Variants in PHACTR1 observed in about 807,000 individuals in gnomAD.
The protein encoded by PHACTR1 is phosphatase and actin regulator 1.
Under a neutral mutation model 69.2 loss-of-function variants are expected in PHACTR1, and 16 were observed. The ratio of observed to expected loss-of-function variants is 0.23; its 90% confidence interval spans 0.16 to 0.35. The LOEUF (loss-of-function observed/expected upper bound fraction) is 0.35, where lower values mean the gene tolerates loss of function less well. PHACTR1 is among the 10% of genes least tolerant of loss of function. The probability of loss-of-function intolerance (pLI) is 1.00; values close to 1 mark genes in which losing one functional copy is unlikely to be tolerated. For missense variants in PHACTR1, 510 were observed against 734.7 expected, an observed-to-expected ratio of 0.69 and a Z score of 3.54; for synonymous variants, 312 against 284.5, an observed-to-expected ratio of 1.10 and a Z score of -0.97.
chr6:13,237,748 A>T (rs1296472126), intron 10 of PHACTR1, among the ~76,000 whole-genome samples: 1 of 152,202 alleles, frequency 6.6e-6, no homozygotes, highest in Non-Finnish European at 1.5e-5. Context: ...AAGTGTACTC[A>T]CACAAACCAA....
intron 4 of PHACTR1, among the ~76,000 whole-genome samples, chr6:12,836,222 T>A (rs994046313): frequency 7.2e-5 from 11 of 152,182 alleles, no homozygotes; most frequent in Admixed American, 6.6e-4. Context: ...ATCAGCCTGG[T>A]ACTGAGTTTC....
At chr6:13,233,943 G>T (rs945605105) in intron 10 of PHACTR1, among the ~76,000 whole-genome samples, 1 of 152,228 alleles carries the variant, frequency 6.6e-6, no homozygotes, top group Non-Finnish European at 1.5e-5. Flanking sequence ...TGCAGGGACT[G>T]TACCTAAAGG....
At chr6:13,137,916 T>G (rs1309059272) in intron 5 of PHACTR1, among the ~76,000 whole-genome samples, 1 of 152,212 alleles carries the variant, frequency 6.6e-6, no homozygotes, top group Admixed American at 6.5e-5. Context: ...CACCCTCTTG[T>G]GTCCTGAGCA....
At chr6:13,197,104 C>A (rs949212207) in intron 7 of PHACTR1, among the ~76,000 whole-genome samples, 1 of 152,216 alleles carries the variant, frequency 6.6e-6, no homozygotes, top group Admixed American at 6.5e-5. Context: ...CTGTCTGACC[C>A]TCCAAACAAC....
intron 4 of PHACTR1, among the ~76,000 whole-genome samples, chr6:12,762,940 G>A (rs941143578): frequency 1.3e-5 from 2 of 152,178 alleles, no homozygotes; most frequent in African/African-American, 4.8e-5. Flanking sequence ...CAGGCTGGGT[G>A]CGATGACTCA....
At chr6:13,089,403 G>A (rs1311460335) in intron 5 of PHACTR1, among the ~76,000 whole-genome samples, 1 of 152,102 alleles carries the variant, frequency 6.6e-6, no homozygotes, top group East Asian at 1.9e-4. Flanking sequence ...GGCAGATCTG[G>A]GGAGAGGTCT....
chr6:12,962,138 G>A (rs138191001), intron 4 of PHACTR1, among the ~76,000 whole-genome samples: 105 of 151,966 alleles, frequency 6.9e-4, no homozygotes, highest in African/African-American at 1.5e-3. Context: ...GTCTCGCTAC[G>A]TTATCCAGGC....
At chr6:13,235,090 A>G (rs1771789130) in intron 10 of PHACTR1, among the ~76,000 whole-genome samples, 1 of 152,164 alleles carries the variant, frequency 6.6e-6, no homozygotes, top group African/African-American at 2.4e-5. Context: ...TTAGATTCGT[A>G]TTGATGAAGT....
intron 4 of PHACTR1, among the ~76,000 whole-genome samples, chr6:12,953,828 G>T (rs117578118): frequency 1.3e-5 from 2 of 152,300 alleles, no homozygotes; most frequent in East Asian, 3.9e-4. Flanking sequence ...TAGAAAGGAA[G>T]AGTATTGTAA....
intron 11 of PHACTR1, among the ~76,000 whole-genome samples, chr6:13,277,808 G>T (rs1415425576): frequency 6.6e-6 from 1 of 152,110 alleles, no homozygotes; most frequent in African/African-American, 2.4e-5. Flanking sequence ...AAATTAGTCA[G>T]GTGTGGTGGC....
chr6:13,195,603 C>A (rs1435142739), intron 7 of PHACTR1, among the ~76,000 whole-genome samples: 1 of 151,590 alleles, frequency 6.6e-6, no homozygotes, highest in Non-Finnish European at 1.5e-5. Flanking sequence ...ACTGAAACTA[C>A]AAAAATTAGC....
At chr6:13,141,091 G>T (rs541733748) in intron 5 of PHACTR1, among the ~76,000 whole-genome samples, 11 of 152,264 alleles carry the variant, frequency 7.2e-5, no homozygotes, top group African/African-American at 2.6e-4. Flanking sequence ...TTATGAGTAT[G>T]CCAGAAAGAA....
intron 10 of PHACTR1, among the ~76,000 whole-genome samples, chr6:13,238,997 T>TATCATCACCATC (rs1170444481): frequency 6.6e-6 from 1 of 152,144 alleles, no homozygotes; most frequent in East Asian, 1.9e-4. Context: ...TGTGCGCCAT[T>TATCATCACCATC]ATCATCACCA....
intron 4 of PHACTR1, among the ~76,000 whole-genome samples, chr6:12,767,636 A>G (rs569462318): frequency 1.3e-5 from 2 of 152,304 alleles, no homozygotes; most frequent in East Asian, 3.9e-4. Flanking sequence ...ACACCAAGAA[A>G]CCAGATTAGG....
chr6:13,123,678 A>G (rs1819086505), intron 5 of PHACTR1, among the ~76,000 whole-genome samples: 1 of 152,168 alleles, frequency 6.6e-6, no homozygotes, highest in Non-Finnish European at 1.5e-5. Context: ...AAGAGTGCCA[A>G]TGTGCATAAC....
chr6:13,153,427 G>A (rs1050096300), intron 5 of PHACTR1, among the ~76,000 whole-genome samples: 10 of 152,278 alleles, frequency 6.6e-5, no homozygotes, highest in African/African-American at 2.2e-4. Context: ...TGAGATATGC[G>A]AAATCTCTTT....
At chr6:13,150,791 A>G (rs1824190736) in intron 5 of PHACTR1, among the ~76,000 whole-genome samples, 3 of 152,204 alleles carry the variant, frequency 2.0e-5, no homozygotes, top group Non-Finnish European at 4.4e-5. Context: ...TATTGTTTAT[A>G]TAAACTTAAT....
intron 5 of PHACTR1, among the ~76,000 whole-genome samples, chr6:13,111,912 C>T (rs1390616978): frequency 6.6e-6 from 1 of 151,906 alleles, no homozygotes; most frequent in Non-Finnish European, 1.5e-5. Flanking sequence ...GGCATATGTA[C>T]AGATTTGTTA....
chr6:13,284,543 A>AATATATATAT (rs3037749), intron 13 of PHACTR1, among the ~76,000 whole-genome samples: 16 of 61,352 alleles, frequency 2.6e-4, no homozygotes, highest in African/African-American at 1.4e-3. Flanking sequence ...AAAAAAAAAA[A>AATATATATAT]ATATATATAT....
Sources: gnomAD v4.1 joint callset for allele counts (sites outside exome capture counted in the v4.1 genomes callset) on GRCh38, gnomAD v4.1.1 for gene constraint, MANE v1.5 for transcripts, NCBI Gene and HGNC (gene_info 2026-07-23, HGNC 2026-07-21) for gene names.